The following ANAPC2 variants were observed in gnomAD, a reference collection of about 807,000 sequenced individuals.
ANAPC2 encodes anaphase-promoting complex subunit 2.
A neutral mutation model predicts 84.3 loss-of-function variants in ANAPC2; 29 were observed. The ratio of observed to expected loss-of-function variants is 0.34; its 90% CI spans 0.26 to 0.47. The LOEUF (loss-of-function observed/expected upper bound fraction) is 0.47, where lower values mean the gene tolerates loss of function less well. ANAPC2 is among the 20% of genes least tolerant of loss of function. The pLI is 1.00. For synonymous variants in ANAPC2, 571 were observed against 479.4 expected (o/e 1.19, Z -2.50); for missense variants, 857 against 1,131.7 (o/e 0.76, Z 3.48).
intron 10 of ANAPC2, among the ~76,000 whole-genome samples, chr9:137,179,963 G>A (rs1417353684): frequency 1.3e-5 from 2 of 152,266 alleles, no homozygotes; most frequent in Admixed American, 6.5e-5. Context: ...TGTGGGCCGC[G>A]CGGACGCTCG....
At chr9:137,176,150 C>CAGGGTTGATG (rs1834206685) in intron 10 of ANAPC2, 1 of 219,542 alleles carries the variant, frequency 4.6e-6, no homozygotes, top group African/African-American at 3.8e-5. Flanking sequence ...TGCATCCTAA[C>CAGGGTTGATG]CCAACTGACT....
chr9:137,176,900 A>T (rs1373022257), intron 10 of ANAPC2: 1 of 152,292 alleles, frequency 6.6e-6, no homozygotes, highest in Non-Finnish European at 1.5e-5. Context: ...AGAGGGAAAC[A>T]ATCAGTGAGG....
At chr9:137,186,530 G>C (rs1410029690) in intron 2 of ANAPC2, 174 bp from the exon 3 acceptor site, 8 of 924,214 alleles carry the variant, frequency 8.7e-6, no homozygotes, top group South Asian at 5.5e-5. Flanking sequence ...TGTACCAAAG[G>C]CTTCAAGAAG....
At chr9:137,175,973 C>G in intron 10 of ANAPC2, 136 bp from the exon 11 acceptor site, 1 of 1,167,744 alleles carries the variant, frequency 8.6e-7, no homozygotes, top group Non-Finnish European at 1.2e-6. Flanking sequence ...AGGTGAGCAG[C>G]GAGAGCACAG....
rs765035107 is a variant in ANAPC2, at chr9:137,180,949, G to A, written c.1469-20C>T. 3.1e-6 allele frequency: 5 copies of A among 1,609,838 alleles called. No individual in the cohort carries two copies. The highest frequency in any genetic ancestry group is 2.2e-5 in the South Asian group (2 of 90,990). On this transcript the variant is annotated intron_variant, in intron 7 of 12. Transcript: ENST00000323927. ...ACTTCCCTGGCATGGTGGGGGCAGG[G>A]GTGTCACCTGACAGGCACCTGGGCA...
chr9:137,181,574 C>T lies in ANAPC2; in HGVS notation c.1468+107G>A, dbSNP rs1040231636. The stretch of plus-strand genomic sequence containing the variant: ...CACCCTCAAGCCTCTGAGACACTAG[C>T]GACACCTGACACAGCCAAGCTCTGT... On this transcript the variant is annotated intron_variant, in intron 7 of 12. Coordinates refer to ENST00000323927, the MANE Select transcript of ANAPC2 (RefSeq NM_013366.4). 2.2e-5 allele frequency: 28 copies of T among 1,255,784 alleles called. 2 individuals carry two copies. The South Asian group carries it at 4.3e-4, about 19-fold the overall frequency. The allele number at this position is 1,255,784 out of a possible 1,614,324, so 77.8% of individuals were successfully genotyped here.
At chr9:137,184,594 C>T (rs1257975043) in intron 4 of ANAPC2, among the ~76,000 whole-genome samples, 4 of 133,230 alleles carry the variant, frequency 3.0e-5, no homozygotes, top group Admixed American at 8.1e-5. Flanking sequence ...GCAGACACGG[C>T]GAAGGCCCTG....
At chr9:137,175,507 G>A (rs1369576613) in intron 11 of ANAPC2, 35 bp from the exon 12 acceptor site, 2 of 1,521,666 alleles carry the variant, frequency 1.3e-6, no homozygotes, top group Non-Finnish European at 1.8e-6. Flanking sequence ...TGGGCAGCCT[G>A]GGCACGGGCT....
intron 5 of ANAPC2, 173 bp from the exon 6 acceptor site, chr9:137,183,415 C>T (rs1834384486): frequency 1.2e-5 from 9 of 753,382 alleles, no homozygotes; most frequent in Non-Finnish European, 1.7e-5. Flanking sequence ...TCCCGCCCTG[C>T]AGGGAGGTCT....
Position 137,175,695 on chromosome 9 carries a change from C to G in ANAPC2, c.2020+13G>C. On this transcript the variant is annotated intron_variant, in intron 11 of 12. Coordinates refer to ENST00000323927, the MANE Select transcript of ANAPC2 (RefSeq NM_013366.4). ...GTGGCCGGGGCAGGCCAGCTAGGGG[C>G]TGGTGGGCTCACCTTGGTCCTGAAA... 1 of 1,606,798 alleles carries G rather than the reference C, an allele frequency of 6.2e-7. No individual in the cohort carries two copies. The highest frequency in any genetic ancestry group is 1.1e-5 in the South Asian group (1 of 90,374).
rs563522428 is a variant in ANAPC2 at position 137,186,043 on chromosome 9, C to T, written c.873+181G>A. On this transcript the variant is annotated intron_variant, in intron 3 of 12. Coordinates refer to ENST00000323927, the MANE Select transcript of ANAPC2 (RefSeq NM_013366.4). ...GAAGAGCGCACCTCAGATGCGTCCTCGCTATCACCAGGGCCCAGAAGTACT... is the reference window on the plus strand; with the variant it reads ...GAAGAGCGCACCTCAGATGCGTCCTTGCTATCACCAGGGCCCAGAAGTACT... Among the ~76,000 whole-genome samples the T allele has an allele frequency of 1.4e-3, 210 of 152,296 alleles. 2 individuals carry two copies. Among genetic ancestry groups the T allele is most frequent in the African/African-American group, 4.9e-3 (202 of 41,556 alleles).
At position 137,181,687 on chromosome 9, in the gene ANAPC2, C is replaced by A; in HGVS notation, c.1462G>T (p.Asp488Tyr). Residue 488 changes from aspartate to tyrosine, a missense_variant, in exon 7 of 13, where the codon GAT becomes TAT. Transcript: ENST00000323927. ...CCATGTGGGGCAAGCTAACCTGGAT[C>A]GGCATCCACAGGGTCCGGGACCCAG... The part of the protein sequence containing the change: ...EDWVPDPVDA[D>Y]PGKSSSKRRS... 2 of 1,596,318 alleles carry A rather than the reference C, an allele frequency of 1.3e-6. No individual in the cohort carries two copies. The highest frequency in any genetic ancestry group is 1.7e-6 in the Non-Finnish European group (2 of 1,169,548).
chr9:137,178,829 C>T (rs1399543370), intron 10 of ANAPC2, among the ~76,000 whole-genome samples: 5 of 152,208 alleles, frequency 3.3e-5, no homozygotes, highest in Admixed American at 6.5e-5. Context: ...CCTACCACAG[C>T]CCCTTGGCCT....
At chr9:137,185,988 G>A (rs1026900968) in intron 3 of ANAPC2, among the ~76,000 whole-genome samples, 4 of 152,156 alleles carry the variant, frequency 2.6e-5, no homozygotes, top group African/African-American at 9.7e-5. Flanking sequence ...GCCCGATACC[G>A]CCTGCAGCCA....
At chr9:137,183,954 G>T (rs997962520) in intron 4 of ANAPC2, among the ~76,000 whole-genome samples, 163 bp from the exon 5 acceptor site, 1 of 152,204 alleles carries the variant, frequency 6.6e-6, no homozygotes, top group African/African-American at 2.4e-5. Context: ...ACTCTGGCGT[G>T]CTGATGCATT....
At chr9:137,187,332 C>T (rs1170367859) in intron 2 of ANAPC2, 149 bp downstream of exon 2, 6 of 1,007,188 alleles carry the variant, frequency 6.0e-6, no homozygotes, top group African/African-American at 1.6e-5. Context: ...GTCCAGGACA[C>T]GCTGCACAGG....
intron 2 of ANAPC2, 23 bp from the exon 3 acceptor site, chr9:137,186,379 G>A (rs1366968660): frequency 1.3e-6 from 2 of 1,580,356 alleles, no homozygotes; most frequent in Non-Finnish European, 1.7e-6. Flanking sequence ...CCTGGCCATG[G>A]GGCACCCAGA....
At chr9:137,185,689 G>C (rs1834450673) in intron 3 of ANAPC2, among the ~76,000 whole-genome samples, 1 of 152,192 alleles carries the variant, frequency 6.6e-6, no homozygotes. Context: ...TGACACATGG[G>C]AACAGGATGG....
intron 10 of ANAPC2, among the ~76,000 whole-genome samples, chr9:137,178,473 C>CA (rs1834269912): frequency 6.6e-6 from 1 of 152,244 alleles, no homozygotes; most frequent in Non-Finnish European, 1.5e-5. Flanking sequence ...GGACCCAAGG[C>CA]AGGACCCTGG....
Sources: gnomAD v4.1 joint callset for allele counts (sites outside exome capture counted in the v4.1 genomes callset) on GRCh38, gnomAD v4.1.1 for gene constraint, MANE v1.5 for transcripts, NCBI Gene and HGNC (gene_info 2026-07-23, HGNC 2026-07-21) for gene names.